Variants in ZFHX3 observed in about 807,000 individuals in gnomAD.
ZFHX3 encodes zinc finger homeobox protein 3.
A neutral mutation model predicts 279.1 loss-of-function variants in ZFHX3; 42 were observed. The observed-to-expected ratio is 0.15, with a 90% CI of 0.12 to 0.19. The LOEUF is 0.19. Ranked by LOEUF, ZFHX3 falls within the 10% of genes least tolerant of loss-of-function variation. The probability of loss-of-function intolerance (pLI) is 1.00; values close to 1 mark genes in which losing one functional copy is unlikely to be tolerated. For missense variants in ZFHX3, 4,981 were observed against 4,754.0 expected (o/e 1.05, Z -1.40); for synonymous variants, 2,293 against 1,957.8 (o/e 1.17, Z -4.52).
chr16:73,813,039 A>G lies in ZFHX3; in HGVS notation c.-1608+78612T>C, dbSNP rs915014933. 5.9e-5 allele frequency among the ~76,000 whole-genome samples: 9 copies of G among 152,220 alleles called. No individual in the cohort carries two copies. The South Asian group carries it at 6.2e-4, about 11-fold the overall frequency. ...GTGAAAACTCAGCTTTGGGACTCCAATGAATCTACTTTAAATAGAGCTGGA... is the reference window on the plus strand; with the variant it reads ...GTGAAAACTCAGCTTTGGGACTCCAGTGAATCTACTTTAAATAGAGCTGGA... On this transcript the variant is annotated intron_variant, in intron 1 of 17. Transcript: ENST00000641206.
chr16:73,878,591 T>C (rs749819244), intron 1 of ZFHX3, among the ~76,000 whole-genome samples: 1 of 152,144 alleles, frequency 6.6e-6, no homozygotes, highest in Non-Finnish European at 1.5e-5. Flanking sequence ...ATTTTTTTCA[T>C]TTGATATAGG....
At chr16:73,665,280 C>T (rs562962355) in intron 2 of ZFHX3, among the ~76,000 whole-genome samples, 1 of 148,548 alleles carries the variant, frequency 6.7e-6, no homozygotes, top group South Asian at 2.1e-4. Flanking sequence ...CTGGTGCCAT[C>T]CTGGCTCATT....
chr16:73,414,960 TGGG>T (rs1414219060), intron 3 of ZFHX3, among the ~76,000 whole-genome samples: 1 of 152,182 alleles, frequency 6.6e-6, no homozygotes, highest in Non-Finnish European at 1.5e-5. Flanking sequence ...TAACCCCAGC[TGGG>T]GACAAATTTT....
chr16:72,848,579 C>G (rs902054082), intron 4 of ZFHX3, among the ~76,000 whole-genome samples: 3 of 152,066 alleles, frequency 2.0e-5, no homozygotes, highest in Non-Finnish European at 4.4e-5. Flanking sequence ...TTGGTTCCCT[C>G]CTAAGTCAGA....
intron 2 of ZFHX3, among the ~76,000 whole-genome samples, chr16:73,465,122 C>T (rs1179799277): frequency 1.3e-5 from 2 of 152,206 alleles, no homozygotes; most frequent in Non-Finnish European, 2.9e-5. Context: ...GAAATGGTCT[C>T]GGTACTTGAG....
At chr16:72,815,279 G>A (rs1253565299) in intron 5 of ZFHX3, among the ~76,000 whole-genome samples, 1 of 152,020 alleles carries the variant, frequency 6.6e-6, no homozygotes, top group Non-Finnish European at 1.5e-5. Context: ...GTGGTGGCAA[G>A]TGCTTATAGT....
At chr16:72,968,077 G>A (rs566558851) in intron 1 of ZFHX3, among the ~76,000 whole-genome samples, 30 of 151,632 alleles carry the variant, frequency 2.0e-4, no homozygotes, top group African/African-American at 6.3e-4. Context: ...TTCATTGAGT[G>A]ATCAAAGTTC....
chr16:73,754,704 G>T (rs1260756497), intron 1 of ZFHX3, among the ~76,000 whole-genome samples: 1 of 152,084 alleles, frequency 6.6e-6, no homozygotes, highest in Non-Finnish European at 1.5e-5. Context: ...ATTGAGACAG[G>T]CTTTTCTACA....
intron 5 of ZFHX3, among the ~76,000 whole-genome samples, chr16:73,218,321 T>C (rs1001030086): frequency 6.6e-6 from 1 of 152,174 alleles, no homozygotes; most frequent in Non-Finnish European, 1.5e-5. Context: ...ATAACAGAGA[T>C]GCGATGATTA....
intron 5 of ZFHX3, among the ~76,000 whole-genome samples, chr16:73,173,113 C>G (rs1967579143): frequency 6.8e-6 from 1 of 147,030 alleles, no homozygotes; most frequent in South Asian, 2.2e-4. Context: ...CTGTGATGCA[C>G]TCTTCAATTC....
intron 1 of ZFHX3, among the ~76,000 whole-genome samples, chr16:73,753,729 G>T (rs1005805356): frequency 3.9e-5 from 6 of 152,048 alleles, no homozygotes; most frequent in Admixed American, 3.9e-4. Context: ...TTTAGGGATC[G>T]CCTGTCCTGC....
chr16:72,909,655 T>C (rs961467416), intron 3 of ZFHX3, among the ~76,000 whole-genome samples: 16 of 152,008 alleles, frequency 1.1e-4, no homozygotes, highest in African/African-American at 3.4e-4. Context: ...GGTGGGAGGA[T>C]CGCTTGAGCT....
intron 1 of ZFHX3, among the ~76,000 whole-genome samples, chr16:73,026,576 CAGG>C (rs2144664385): frequency 6.8e-6 from 1 of 146,924 alleles, no homozygotes; most frequent in African/African-American, 2.5e-5. Context: ...AAGGCTGAGG[CAGG>C]AGAACTACTT....
intron 2 of ZFHX3, among the ~76,000 whole-genome samples, chr16:73,509,540 T>C (rs1451397832): frequency 7.9e-6 from 1 of 126,628 alleles, no homozygotes; most frequent in Admixed American, 8.6e-5. Context: ...TTTTTTTTTT[T>C]TTTTGAGACA....
intron 1 of ZFHX3, among the ~76,000 whole-genome samples, chr16:72,962,078 G>A (rs1012912613): frequency 6.6e-6 from 1 of 152,220 alleles, no homozygotes; most frequent in African/African-American, 2.4e-5. Flanking sequence ...CTGAAGGGGC[G>A]GGAGGGTTAA....
chr16:73,102,469 T>A (rs1393246515), intron 7 of ZFHX3, among the ~76,000 whole-genome samples: 1 of 152,356 alleles, frequency 6.6e-6, no homozygotes, highest in South Asian at 2.1e-4. Context: ...ACCTTGTATA[T>A]GGTGCTTTGA....
intron 2 of ZFHX3, among the ~76,000 whole-genome samples, chr16:73,468,858 A>T (rs2018616201): frequency 6.6e-6 from 1 of 152,232 alleles, no homozygotes; most frequent in South Asian, 2.1e-4. Flanking sequence ...CATTATCTTC[A>T]TATAGGGTCA....
intron 1 of ZFHX3, among the ~76,000 whole-genome samples, chr16:73,831,323 C>T (rs560240044): frequency 5.3e-5 from 8 of 152,278 alleles, no homozygotes; most frequent in Non-Finnish European, 7.4e-5. Context: ...GTGTCCACTC[C>T]GAGGTTGTCA....
intron 2 of ZFHX3, among the ~76,000 whole-genome samples, chr16:73,554,999 C>T (rs557360481): frequency 7.2e-5 from 11 of 152,138 alleles, no homozygotes; most frequent in African/African-American, 4.8e-5. Flanking sequence ...CACCCAATGC[C>T]CCCTAAGTGA....
Sources: gnomAD v4.1 joint callset for allele counts (sites outside exome capture counted in the v4.1 genomes callset) on GRCh38, gnomAD v4.1.1 for gene constraint, MANE v1.5 for transcripts, NCBI Gene and HGNC (gene_info 2026-07-23, HGNC 2026-07-21) for gene names.